The following QSOX1 variants were observed in gnomAD, a reference collection of about 807,000 sequenced individuals.
The protein encoded by QSOX1 is sulfhydryl oxidase 1.
Under a neutral mutation model 76.1 loss-of-function variants are expected in QSOX1, and 40 were observed. The observed-to-expected ratio is 0.53, with a 90% CI of 0.41 to 0.68. The LOEUF (loss-of-function observed/expected upper bound fraction) is 0.68. QSOX1 is among the 30% of genes least tolerant of loss of function. QSOX1 has a pLI of 0.00. For missense variants in QSOX1, 931 were observed against 974.3 expected, an observed-to-expected ratio of 0.96 and a Z score of 0.59; for synonymous variants, 392 against 413.1, an observed-to-expected ratio of 0.95 and a Z score of 0.62.
chr1:180,164,155 T>G (rs1662557285), intron 1 of QSOX1, among the ~76,000 whole-genome samples: 1 of 152,198 alleles, frequency 6.6e-6, no homozygotes, highest in Admixed American at 6.5e-5. Context: ...CAACAGGCCC[T>G]GACCATACCT....
At chr1:180,156,215 G>A (rs1662373868) in intron 1 of QSOX1, among the ~76,000 whole-genome samples, 5 of 152,188 alleles carry the variant, frequency 3.3e-5, no homozygotes, top group Admixed American at 3.3e-4. Flanking sequence ...AAAGATTCCT[G>A]TGGTGTCACA....
chr1:180,182,515 G>A (rs1000306285), intron 6 of QSOX1, among the ~76,000 whole-genome samples, 196 bp downstream of exon 6: 2 of 152,124 alleles, frequency 1.3e-5, no homozygotes, highest in African/African-American at 4.8e-5. Flanking sequence ...CGCTAACCCT[G>A]TTCCGCAGCT....
At position 180,183,168 on chromosome 1, in the gene QSOX1, C is replaced by A. The variant is rs13375388; in HGVS notation, c.753-748C>A. Among the ~76,000 whole-genome samples, 896 of 152,142 alleles carry A rather than the reference C, an allele frequency of 5.9e-3. 7 individuals are homozygous for A. Among genetic ancestry groups the A allele is most frequent in the African/African-American group, 0.021 (852 of 41,508 alleles). ...AATTGTTTGTGACGATGCTGCCTCC[C>A]GAGCCATCTGCTCACCGAGAAACCC... On this transcript the variant is annotated intron_variant, in intron 6 of 11. Coordinates refer to ENST00000367602, the MANE Select transcript of QSOX1 (RefSeq NM_002826.5).
At chr1:180,188,876 A>G (rs1663238268) in intron 8 of QSOX1, among the ~76,000 whole-genome samples, 1 of 152,204 alleles carries the variant, frequency 6.6e-6, no homozygotes, top group African/African-American at 2.4e-5. Flanking sequence ...ACACACGCAC[A>G]CACACACACA....
At position 180,198,096 on chromosome 1, in the gene QSOX1, C is replaced by T. The variant is rs1433497645; in HGVS notation, c.*1059C>T. ...TAGTGTCCAGTCTGGACAGAATGCA[C>T]AGAGACCAGCCTCACCTGGAATGCA... On this transcript the variant is annotated 3_prime_UTR_variant, in exon 12 of 12. Transcript: ENST00000367602. The T allele has an allele frequency of 2.2e-6, 1 of 444,482 alleles. No individual in the cohort carries two copies. The highest frequency in any genetic ancestry group is 2.0e-5 in the African/African-American group (1 of 49,888). 27.5% of individuals were successfully genotyped at this position (444,482 alleles called of 1,614,324 possible).
At chr1:180,186,650 C>T (rs969643527) in intron 8 of QSOX1, among the ~76,000 whole-genome samples, 2 of 152,236 alleles carry the variant, frequency 1.3e-5, no homozygotes, top group Non-Finnish European at 2.9e-5. Context: ...TTCCTTATTC[C>T]TTTATAGTTT....
intron 5 of QSOX1, among the ~76,000 whole-genome samples, chr1:180,181,724 A>G (rs950444240): frequency 3.3e-5 from 5 of 152,204 alleles, no homozygotes; most frequent in African/African-American, 1.2e-4. Flanking sequence ...TTCCCTTTAG[A>G]AAAATGTTAT....
intron 10 of QSOX1, 122 bp downstream of exon 10, chr1:180,190,702 G>C: frequency 7.9e-7 from 1 of 1,268,528 alleles, no homozygotes; most frequent in Non-Finnish European, 1.1e-6. Flanking sequence ...GCCAGAAGAT[G>C]GGGAGAGTCA....
chr1:180,194,483 G>T, intron 11 of QSOX1, 91 bp downstream of exon 11: 1 of 1,307,298 alleles, frequency 7.6e-7, no homozygotes. Context: ...TTTGGGGAAG[G>T]GACACTCATT....
chr1:180,185,985 A>G, intron 7 of QSOX1, 68 bp from the exon 8 acceptor site: 1 of 1,563,820 alleles, frequency 6.4e-7, no homozygotes, highest in Non-Finnish European at 8.8e-7. Context: ...TTAGCCCTGG[A>G]TGCTCCTTGC....
rs778346262 is a variant in QSOX1, at chr1:180,196,979, C to T, written c.2186C>T (p.Thr729Ile). The change falls in exon 12 of 12, where the codon ACC (threonine) becomes ATC (isoleucine). Residue 729 changes from threonine to isoleucine, a missense_variant. Transcript: ENST00000367602. The surrounding 1 kb of genome is among the most constrained non-coding windows in gnomAD (Gnocchi z 4.1). Reference sequence around the variant, plus strand: ...TTCATGGGCCTGCTGGCCATGTACACCTACTTCCAGGCCAAGATAAGGGCC... The same window carrying T: ...TTCATGGGCCTGCTGGCCATGTACATCTACTTCCAGGCCAAGATAAGGGCC... ...LSFMGLLAMY[T>I]YFQAKIRALK... 4 of 1,612,322 alleles carry T rather than the reference C, an allele frequency of 2.5e-6. No homozygotes were observed. The highest frequency in any genetic ancestry group is 2.7e-5 in the African/African-American group (2 of 74,918).
chr1:180,175,974 C>T lies in QSOX1; in HGVS notation c.456C>T (p.Asp152=), dbSNP rs761062042. 1.7e-5 allele frequency: 28 copies of T among 1,601,734 alleles called. No individual in the cohort carries two copies. Among genetic ancestry groups the T allele is most frequent in the African/African-American group, 9.4e-5 (7 of 74,824 alleles). The change falls in exon 4 of 12, where the codon GAC becomes GAT. Residue 152 remains aspartate (D), a synonymous_variant. Coordinates refer to ENST00000367602, the MANE Select transcript of QSOX1 (RefSeq NM_002826.5). Reference sequence around the variant, plus strand: ...AGACACTGCGGGAGAGGCTCATTGACGCCCTGGAGTCCCATCATGACACGT... The same window carrying T: ...AGACACTGCGGGAGAGGCTCATTGATGCCCTGGAGTCCCATCATGACACGT... ...DVQTLRERLI[D]ALESHHDTWP... is the part of the protein sequence containing the mutation.
chr1:180,197,032 G>C lies in QSOX1; in HGVS notation c.2239G>C (p.Ala747Pro). 6.2e-7 allele frequency: 1 copy of C among 1,607,252 alleles called. No homozygotes were observed. The highest frequency in any genetic ancestry group is 1.3e-5 in the African/African-American group (1 of 74,814). ...GAAGGGCCATGCTGGCCACCCTGCA[G>C]CCTGAACCACCTGGGGAGGAGGCGG... is the stretch of plus-strand genomic sequence containing the variant. ...ALKGHAGHPA[A>P] Residue 747 changes from alanine (A) to proline (P), a missense_variant, in exon 12 of 12, where the codon GCC becomes CCC. Physicochemically the swap from Ala to Pro is conservative, Grantham distance 27. Transcript: ENST00000367602.
chr1:180,197,274 G>C lies in QSOX1; in HGVS notation c.*237G>C. On this transcript the variant is annotated 3_prime_UTR_variant, in exon 12 of 12. Transcript: ENST00000367602. ...TGCTGTGCAGGGAGGGCAGCCCCGGGCAGTGGGCATAGGGCAGCTCAGTCC... is the reference window on the plus strand; with the variant it reads ...TGCTGTGCAGGGAGGGCAGCCCCGGCCAGTGGGCATAGGGCAGCTCAGTCC... The C allele has an allele frequency of 6.2e-7, 1 of 1,613,040 alleles. No individual in the cohort carries two copies. The highest frequency in any genetic ancestry group is 8.5e-7 in the Non-Finnish European group (1 of 1,179,828).
At position 180,190,458 on chromosome 1, in the gene QSOX1, A is replaced by G. The variant is rs777591494; in HGVS notation, c.1166A>G (p.Asn389Ser). ...GGTGCCGTTCTTGCCAAGAAGGTGAACTGGATTGGCTGCCAGGGGAGTGAG... is the reference window on the plus strand; with the variant it reads ...GGTGCCGTTCTTGCCAAGAAGGTGAGCTGGATTGGCTGCCAGGGGAGTGAG... ...KEGAVLAKKV[N>S]WIGCQGSEPH... Residue 389 changes from asparagine to serine, a missense_variant, in exon 10 of 12, where the codon AAC (asparagine) becomes AGC (serine). Asn to Ser is a conservative substitution (Grantham distance 46). Transcript: ENST00000367602. 2 of 1,613,952 alleles carry G rather than the reference A, an allele frequency of 1.2e-6. No individual in the cohort carries two copies. Among genetic ancestry groups the G allele is most frequent in the South Asian group, 2.2e-5 (2 of 91,076 alleles).
chr1:180,172,412 G>A (rs1662783406), intron 2 of QSOX1, among the ~76,000 whole-genome samples: 1 of 152,176 alleles, frequency 6.6e-6, no homozygotes, highest in Non-Finnish European at 1.5e-5. Context: ...ATCCTGGGGA[G>A]AGGCTCTTGG....
Position 180,190,551 on chromosome 1 carries a change from G to A in QSOX1, c.1259G>A (p.Arg420Gln), listed in dbSNP as rs373717097. 96 of 1,614,120 alleles carry A rather than the reference G, an allele frequency of 5.9e-5. 2 individuals are homozygous for A. The highest frequency in any genetic ancestry group is 4.5e-4 in the East Asian group (20 of 44,890). The part of the protein sequence containing the change: ...LFHFLTVQAA[R>Q]QNVDHSQEAA... Reference sequence around the variant, plus strand: ...CACTTCTTGACTGTGCAGGCAGCTCGGCAAAATGTAGACCACTCACAGGAA... The same window carrying A: ...CACTTCTTGACTGTGCAGGCAGCTCAGCAAAATGTAGACCACTCACAGGAA... The change falls in exon 10 of 12, where the codon CGG (arginine) becomes CAG (glutamine). Residue 420 changes from arginine (R) to glutamine (Q), a missense_variant. Coordinates refer to ENST00000367602, the MANE Select transcript of QSOX1 (RefSeq NM_002826.5).
rs947342530 is a variant in QSOX1 at position 180,155,187 on chromosome 1, C to A, written c.265+15C>A. 2 of 1,477,540 alleles carry A rather than the reference C, an allele frequency of 1.4e-6. No homozygotes were observed. The highest frequency in any genetic ancestry group is 9.0e-7 in the Non-Finnish European group (1 of 1,117,194). 91.5% of individuals were successfully genotyped at this position (1,477,540 alleles called of 1,614,324 possible). On this transcript the variant is annotated intron_variant, in intron 1 of 11. Transcript: ENST00000367602. ...AGACGTCAAAGGTGAGAAGCGGGGG[C>A]GGCCCGCTCCCCCGTGCCCCGCCGC...
rs201802561 is a variant in QSOX1, at chr1:180,182,209, G to A, written c.642G>A (p.Ala214=). ...ALDLSQHKGV[A]VRRVLNTEAN... ...ACCTGTCCCAGCACAAAGGCGTGGC[G>A]GTGCGCAGGGTGCTGAACACAGAGG... The change falls in exon 6 of 12, where the codon GCG becomes GCA. Residue 214 remains alanine, a synonymous_variant. Coordinates refer to ENST00000367602, the MANE Select transcript of QSOX1 (RefSeq NM_002826.5). 1,268 of 1,614,212 alleles carry A rather than the reference G, an allele frequency of 7.9e-4. 4 individuals are homozygous for A. Among genetic ancestry groups the A allele is most frequent in the Middle Eastern group, 1.8e-3 (11 of 6,060 alleles).
Sources: gnomAD v4.1 joint callset for allele counts (sites outside exome capture counted in the v4.1 genomes callset) on GRCh38, gnomAD v4.1.1 for gene constraint, Gnocchi (gnomAD v3.1) non-coding constraint, MANE v1.5 for transcripts, NCBI Gene and HGNC (gene_info 2026-07-23, HGNC 2026-07-21) for gene names.